The following NRG2 variants were observed in gnomAD, a reference collection of about 807,000 sequenced individuals.
NRG2 encodes the protein pro-neuregulin-2, membrane-bound isoform.
Under a neutral mutation model 73.9 loss-of-function variants are expected in NRG2, and 27 were observed. The observed-to-expected ratio is 0.37, with a 90% CI of 0.27 to 0.50. NRG2 has a LOEUF of 0.50. NRG2 is among the 20% of genes least tolerant of loss of function. The pLI is 0.96. For synonymous variants in NRG2, 532 were observed against 541.0 expected (o/e 0.98, Z 0.23); for missense variants, 1,126 against 1,210.1 (o/e 0.93, Z 1.03).
intron 1 of NRG2, among the ~76,000 whole-genome samples, chr5:139,987,161 C>T (rs984056271): frequency 1.3e-5 from 2 of 150,556 alleles, no homozygotes; most frequent in African/African-American, 4.9e-5. Context: ...TGCCTGAGCT[C>T]AGGAGTTCAA....
intron 9 of NRG2, among the ~76,000 whole-genome samples, chr5:139,848,912 T>A (rs1447234688): frequency 6.6e-6 from 1 of 152,216 alleles, no homozygotes; most frequent in Non-Finnish European, 1.5e-5. Flanking sequence ...TACGCGGGCA[T>A]AACCATGGTG....
chr5:139,959,713 A>G (rs1281516404), intron 1 of NRG2, among the ~76,000 whole-genome samples: 1 of 151,486 alleles, frequency 6.6e-6, no homozygotes, highest in Non-Finnish European at 1.5e-5. Flanking sequence ...GGGTTTCGCC[A>G]CATTGGCCAG....
At chr5:140,011,640 G>A (rs1759375390) in intron 1 of NRG2, among the ~76,000 whole-genome samples, 1 of 152,118 alleles carries the variant, frequency 6.6e-6, no homozygotes, top group Non-Finnish European at 1.5e-5. Flanking sequence ...AGCCATCGAG[G>A]ACCTGAAGCC....
Position 139,853,093 on chromosome 5 carries a change from T to C in NRG2, c.1293-66A>G. On this transcript the variant is annotated intron_variant, in intron 6 of 9. Transcript: ENST00000361474. The surrounding 1 kb of genome is among the most constrained non-coding windows in gnomAD (Gnocchi z 4.1). ...CTCGCCAACGATGAACTTCCCTAGC[T>C]ATCTCTCTAGGGAAACAGCTTTTCC... is the stretch of plus-strand genomic sequence containing the variant. 2 of 1,600,526 alleles carry C rather than the reference T, an allele frequency of 1.2e-6. No individual in the cohort carries two copies. The highest frequency in any genetic ancestry group is 1.7e-6 in the Non-Finnish European group (2 of 1,172,996).
At position 139,866,814 on chromosome 5, in the gene NRG2, C is replaced by T. The variant is rs568861472; in HGVS notation, c.1113-1189G>A. On this transcript the variant is annotated intron_variant, in intron 4 of 9. Coordinates refer to ENST00000361474, the MANE Select transcript of NRG2 (RefSeq NM_004883.3). The stretch of plus-strand genomic sequence containing the variant: ...TCTGGCTGCCAGCCCTCTCCTCAAG[C>T]GAATCTCAGATTTCTTGCAGAAGTC... 3.3e-5 allele frequency among the ~76,000 whole-genome samples: 5 copies of T among 152,298 alleles called. No homozygotes were observed. In the South Asian group the frequency reaches 8.3e-4, roughly 25 times the overall value.
intron 1 of NRG2, among the ~76,000 whole-genome samples, chr5:139,897,972 C>A (rs1478466578): frequency 6.6e-6 from 1 of 152,216 alleles, no homozygotes; most frequent in Non-Finnish European, 1.5e-5. Flanking sequence ...ACAGGAGTGG[C>A]CAGCTAGGTC....
At chr5:139,983,933 C>A (rs1188935530) in intron 1 of NRG2, among the ~76,000 whole-genome samples, 1 of 152,248 alleles carries the variant, frequency 6.6e-6, no homozygotes, top group East Asian at 1.9e-4. Flanking sequence ...GAGAAATAGA[C>A]ACTAATTCAA....
intron 1 of NRG2, among the ~76,000 whole-genome samples, chr5:139,934,931 G>A (rs1182259247): frequency 1.3e-5 from 2 of 152,184 alleles, no homozygotes; most frequent in Non-Finnish European, 2.9e-5. Context: ...TTGGGAGGCT[G>A]AGCCTGGCAG....
chr5:139,907,144 C>T (rs757204528), intron 1 of NRG2, among the ~76,000 whole-genome samples: 1 of 151,824 alleles, frequency 6.6e-6, no homozygotes, highest in Non-Finnish European at 1.5e-5. Context: ...TGTGGGAGGT[C>T]TGTGGACTGA....
chr5:139,902,197 A>G (rs2127171086), intron 1 of NRG2, among the ~76,000 whole-genome samples: 1 of 152,336 alleles, frequency 6.6e-6, no homozygotes, highest in East Asian at 1.9e-4. Context: ...GCTGGGGAGA[A>G]GGGGAAATGG....
At chr5:139,848,753 G>GCC in intron 9 of NRG2, 56 bp from the exon 10 acceptor site, 1 of 810,906 alleles carries the variant, frequency 1.2e-6, no homozygotes. Flanking sequence ...CGCGGGGGAG[G>GCC]GGGGGTTGGG....
intron 1 of NRG2, among the ~76,000 whole-genome samples, chr5:139,997,277 C>T (rs755106867): frequency 1.3e-5 from 2 of 152,154 alleles, no homozygotes; most frequent in Non-Finnish European, 2.9e-5. Context: ...AAAAAACCCA[C>T]CCTTCCTTTA....
In NRG2 at chr5:140,043,129, A is replaced by G. The variant is rs1441268123; in HGVS notation, c.-60T>C. On this transcript the variant is annotated 5_prime_UTR_variant, in exon 1 of 10. Transcript: ENST00000361474. The surrounding 1 kb of genome is among the most constrained non-coding windows in gnomAD (Gnocchi z 6.7). The stretch of plus-strand genomic sequence containing the variant: ...CCGCCGCCGCCTTGGGAGGGGAAAC[A>G]GAGCCCGCTGGAAAACCGGAAACAG... 1.3e-6 allele frequency: 2 copies of G among 1,548,142 alleles called. No homozygotes were observed. The highest frequency in any genetic ancestry group is 2.8e-5 in the African/African-American group (2 of 72,202).
chr5:139,855,272 C>T (rs1761732963), intron 6 of NRG2, among the ~76,000 whole-genome samples: 1 of 152,220 alleles, frequency 6.6e-6, no homozygotes, highest in African/African-American at 2.4e-5. Flanking sequence ...GCACCTGCTC[C>T]AGGAGCCTGT....
chr5:139,963,239 T>C (rs1755218707), intron 1 of NRG2, among the ~76,000 whole-genome samples: 1 of 152,210 alleles, frequency 6.6e-6, no homozygotes. Flanking sequence ...TGACATGATA[T>C]ATTTATAACC....
intron 1 of NRG2, among the ~76,000 whole-genome samples, chr5:139,989,482 A>G (rs540507706): frequency 2.0e-5 from 3 of 152,128 alleles, no homozygotes; most frequent in South Asian, 2.1e-4. Context: ...GCAGCCATCA[A>G]CCTGAATCCT....
intron 1 of NRG2, among the ~76,000 whole-genome samples, chr5:139,937,416 G>A (rs1022508725): frequency 2.0e-5 from 3 of 152,082 alleles, no homozygotes; most frequent in Non-Finnish European, 2.9e-5. Flanking sequence ...ATAAGGCTAG[G>A]AATCAATTCT....
intron 1 of NRG2, among the ~76,000 whole-genome samples, chr5:139,918,288 G>A (rs888735097): frequency 2.0e-5 from 3 of 152,140 alleles, no homozygotes; most frequent in Admixed American, 1.3e-4. Context: ...GTCATATCAA[G>A]AATTGAGATA....
Position 139,880,946 on chromosome 5 carries a change from C to T in NRG2, c.901G>A (p.Val301Met). 6.2e-7 allele frequency: 1 copy of T among 1,614,192 alleles called. No homozygotes were observed. Among genetic ancestry groups the T allele is most frequent in the Non-Finnish European group, 8.5e-7 (1 of 1,180,006 alleles). The change falls in exon 3 of 10, where the codon GTG becomes ATG. Residue 301 changes from valine to methionine, a missense_variant. Val to Met is a conservative substitution (Grantham distance 21). This residue lies in a region of NRG2 where 539 missense variants were observed against 703.2 expected (regional missense o/e 0.77). Coordinates refer to ENST00000361474, the MANE Select transcript of NRG2 (RefSeq NM_004883.3). ...TACTCCCCAGCGTCCTCCACCTTCACCTTGTTGAACTGTAGTCGTGAGTTC... is the reference window on the plus strand; with the variant it reads ...TACTCCCCAGCGTCCTCCACCTTCATCTTGTTGAACTGTAGTCGTGAGTTC... ...RKNSRLQFNK[V>M]KVEDAGEYVC...
Sources: allele counts gnomAD v4.1 joint callset (sites outside exome capture counted in the v4.1 genomes callset), GRCh38; gene constraint gnomAD v4.1.1; regional missense constraint gnomAD v4.1.1; non-coding constraint Gnocchi (gnomAD v3.1); transcripts MANE v1.5; gene names NCBI Gene and HGNC (gene_info 2026-07-23, HGNC 2026-07-21).